PDE4D: variants seen among roughly 807,000 people sequenced by gnomAD.
PDE4D encodes 3',5'-cyclic-AMP phosphodiesterase 4D.
PDE4D carries 24 observed loss-of-function variants against 87.4 expected under a neutral mutation model. The observed-to-expected ratio is 0.27, with a 90% CI of 0.20 to 0.39. PDE4D has a LOEUF of 0.39. Among genes scored for constraint, PDE4D ranks in the 10% least tolerant of loss-of-function variants. The probability of loss-of-function intolerance (pLI) is 1.00; values close to 1 mark genes in which losing one functional copy is unlikely to be tolerated. For missense variants in PDE4D, 714 were observed against 1,041.0 expected (o/e 0.69, Z 4.32); for synonymous variants, 384 against 383.2 (o/e 1.00, Z -0.02).
At chr5:60,079,400 T>G (rs574907986) in intron 2 of PDE4D, among the ~76,000 whole-genome samples, 3 of 152,380 alleles carry the variant, frequency 2.0e-5, no homozygotes, top group African/African-American at 7.2e-5. Flanking sequence ...TTTGTCAATT[T>G]TGGCTTTTGT....
intron 1 of PDE4D, among the ~76,000 whole-genome samples, chr5:59,672,112 T>C (rs1471794721): frequency 6.6e-6 from 1 of 152,152 alleles, no homozygotes; most frequent in Non-Finnish European, 1.5e-5. Context: ...GGAGCTAAAG[T>C]TGAGGCAGAA....
chr5:59,606,837 C>T (rs1302822786), intron 1 of PDE4D, among the ~76,000 whole-genome samples: 4 of 152,114 alleles, frequency 2.6e-5, no homozygotes, highest in African/African-American at 9.7e-5. Context: ...CAAAGTTACA[C>T]AGCCAGTTAG....
intron 1 of PDE4D, among the ~76,000 whole-genome samples, chr5:59,839,913 T>C (rs1432888124): frequency 3.3e-5 from 5 of 152,028 alleles, no homozygotes; most frequent in Non-Finnish European, 7.4e-5. Context: ...AAGTGTTAAG[T>C]TTTGTCCAGA....
chr5:59,697,262 G>A (rs182238369), intron 1 of PDE4D, among the ~76,000 whole-genome samples: 9 of 152,292 alleles, frequency 5.9e-5, no homozygotes, highest in Admixed American at 4.6e-4. Flanking sequence ...CTGAATTTAT[G>A]TGCTTATATT....
chr5:60,269,554 G>T (rs1750601234), intron 1 of PDE4D, among the ~76,000 whole-genome samples: 1 of 150,316 alleles, frequency 6.7e-6, no homozygotes, highest in Non-Finnish European at 1.5e-5. Context: ...AGACCAATTT[G>T]GTTATATTTT....
intron 5 of PDE4D, among the ~76,000 whole-genome samples, chr5:59,176,993 C>T (rs1784002762): frequency 6.6e-6 from 1 of 152,182 alleles, no homozygotes; most frequent in Non-Finnish European, 1.5e-5. Flanking sequence ...TGCAAGCTTG[C>T]CTTTCTCTCA....
intron 1 of PDE4D, among the ~76,000 whole-genome samples, chr5:59,597,353 T>C (rs1341457225): frequency 6.6e-6 from 1 of 152,176 alleles, no homozygotes; most frequent in African/African-American, 2.4e-5. Flanking sequence ...GCGTTAACAA[T>C]GTATCTACAT....
upstream of PDE4D, among the ~76,000 whole-genome samples, chr5:59,896,378 T>A (rs1212930042): frequency 3.3e-5 from 5 of 151,508 alleles, no homozygotes; most frequent in African/African-American, 9.7e-5. Flanking sequence ...TGAAAAAAAA[T>A]GTCTGATGTT....
chr5:59,550,494 A>T (rs1283530185), intron 1 of PDE4D, among the ~76,000 whole-genome samples: 1 of 152,196 alleles, frequency 6.6e-6, no homozygotes, highest in Non-Finnish European at 1.5e-5. Context: ...TCCTGACTTT[A>T]GTCAATACGC....
At chr5:60,459,138 A>G (rs1746722411) in intron 1 of PDE4D, among the ~76,000 whole-genome samples, 1 of 152,190 alleles carries the variant, frequency 6.6e-6, no homozygotes, top group African/African-American at 2.4e-5. Flanking sequence ...GAACAAAATT[A>G]CAATAGAGAA....
At chr5:59,221,504 T>C (rs1752558661) in intron 1 of PDE4D, among the ~76,000 whole-genome samples, 1 of 152,022 alleles carries the variant, frequency 6.6e-6, no homozygotes, top group Non-Finnish European at 1.5e-5. Context: ...TGGTGGTGCT[T>C]ATCTGTAGTC....
At chr5:59,344,903 T>C (rs1194079872) in intron 1 of PDE4D, among the ~76,000 whole-genome samples, 1 of 152,096 alleles carries the variant, frequency 6.6e-6, no homozygotes, top group African/African-American at 2.4e-5. Context: ...ACATACTAAA[T>C]TTTTCCTGAC....
chr5:59,395,524 G>C, intron 1 of PDE4D, among the ~76,000 whole-genome samples: 1 of 151,896 alleles, frequency 6.6e-6, no homozygotes, highest in Non-Finnish European at 1.5e-5. Flanking sequence ...TGAGGGTCCT[G>C]TCTGTTAGAA....
At chr5:59,644,016 G>A (rs1742039924) in intron 1 of PDE4D, among the ~76,000 whole-genome samples, 1 of 152,146 alleles carries the variant, frequency 6.6e-6, no homozygotes, top group African/African-American at 2.4e-5. Flanking sequence ...GCATGAGATA[G>A]AGTCTAGAGA....
At chr5:59,284,617 C>A (rs1348727034) in intron 1 of PDE4D, among the ~76,000 whole-genome samples, 2 of 134,988 alleles carry the variant, frequency 1.5e-5, no homozygotes, top group Non-Finnish European at 3.1e-5. Context: ...GTTGGTGGGA[C>A]TGTAAACTAG....
intron 1 of PDE4D, among the ~76,000 whole-genome samples, chr5:60,319,637 A>T (rs546498285): frequency 6.6e-6 from 1 of 152,198 alleles, no homozygotes; most frequent in South Asian, 2.1e-4. Flanking sequence ...GTCTTTGATG[A>T]TGGTGACGTA....
At chr5:59,162,230 C>G (rs188478733) in intron 5 of PDE4D, among the ~76,000 whole-genome samples, 215 of 152,246 alleles carry the variant, frequency 1.4e-3, no homozygotes, top group African/African-American at 5.1e-3. Flanking sequence ...TCTCCCAACG[C>G]TGGGGCATAT....
At chr5:60,096,322 A>G (rs1451410770) in intron 2 of PDE4D, among the ~76,000 whole-genome samples, 1 of 152,118 alleles carries the variant, frequency 6.6e-6, no homozygotes, top group Non-Finnish European at 1.5e-5. Flanking sequence ...AGGATTCCCT[A>G]TTTAATAAAT....
At chr5:59,088,860 G>A (rs1427301678) in intron 5 of PDE4D, among the ~76,000 whole-genome samples, 2 of 152,100 alleles carry the variant, frequency 1.3e-5, no homozygotes, top group Non-Finnish European at 2.9e-5. Flanking sequence ...TGTGGGTGAT[G>A]AAATAATCTG....
Sources: allele counts gnomAD v4.1 joint callset (sites outside exome capture counted in the v4.1 genomes callset), GRCh38; gene constraint gnomAD v4.1.1; transcripts MANE v1.5; gene names NCBI Gene and HGNC (gene_info 2026-07-23, HGNC 2026-07-21).